Variants in OPCML observed in about 807,000 individuals in gnomAD.
The protein encoded by OPCML is opioid binding protein/cell adhesion molecule like, also known as opioid-binding protein/cell adhesion molecule.
In OPCML, 13 loss-of-function variants were observed where a neutral mutation model predicts 37.8. The observed-to-expected ratio is 0.34, with a 90% CI of 0.22 to 0.55. OPCML has a LOEUF of 0.55. Ranked by LOEUF, OPCML falls within the 20% of genes least tolerant of loss-of-function variation. The pLI is 0.91. For missense variants in OPCML, 341 were observed against 435.6 expected, an observed-to-expected ratio of 0.78 and a Z score of 1.93; for synonymous variants, 176 against 168.8, an observed-to-expected ratio of 1.04 and a Z score of -0.33.
chr11:132,970,820 A>C (rs1440475526), intron 1 of OPCML, among the ~76,000 whole-genome samples: 1 of 152,138 alleles, frequency 6.6e-6, no homozygotes, highest in Admixed American at 6.6e-5. Flanking sequence ...CTCCTGTAGT[A>C]CTCATAGCTG....
At position 132,703,105 on chromosome 11, in the gene OPCML, T is replaced by G. The variant is rs142462965; in HGVS notation, c.147-45786A>C. 8.2e-3 allele frequency among the ~76,000 whole-genome samples: 1,251 copies of G among 152,242 alleles called. 16 individuals are homozygous for G. The highest frequency in any genetic ancestry group is 0.029 in the African/African-American group (1,186 of 41,530). On this transcript the variant is annotated intron_variant, in intron 2 of 7. Transcript: ENST00000524381. ...CCTGCATTGCTTGACAACAAAGATA[T>G]GTCCTGAGAAGTGTGTTGTTAGGTG...
At chr11:132,819,132 T>G (rs1448280840) in intron 2 of OPCML, among the ~76,000 whole-genome samples, 1 of 151,980 alleles carries the variant, frequency 6.6e-6, no homozygotes, top group African/African-American at 2.4e-5. Flanking sequence ...GCCAGAAATT[T>G]TGTGCATACC....
At chr11:133,131,302 C>G (rs1949600808) in intron 1 of OPCML, among the ~76,000 whole-genome samples, 1 of 152,190 alleles carries the variant, frequency 6.6e-6, no homozygotes, top group Non-Finnish European at 1.5e-5. Flanking sequence ...ATGTAAGTCA[C>G]AGACCTTACG....
At chr11:132,582,258 T>C (rs1317977168) in intron 3 of OPCML, among the ~76,000 whole-genome samples, 9 of 151,848 alleles carry the variant, frequency 5.9e-5, no homozygotes, top group Admixed American at 5.9e-4. Flanking sequence ...AAACAGTTTA[T>C]TCAATAAAAT....
At chr11:132,614,631 AAC>A (rs1283304912) in intron 3 of OPCML, among the ~76,000 whole-genome samples, 4 of 152,238 alleles carry the variant, frequency 2.6e-5, no homozygotes, top group Admixed American at 6.5e-5. Context: ...GGGAATGCCT[AAC>A]ACATGTTAAT....
At chr11:132,911,532 T>C (rs1223770583) in intron 2 of OPCML, among the ~76,000 whole-genome samples, 2 of 152,172 alleles carry the variant, frequency 1.3e-5, no homozygotes, top group Non-Finnish European at 2.9e-5. Flanking sequence ...TGGACTGACA[T>C]GTTATGCGAA....
chr11:133,080,061 A>G (rs1948686014), intron 1 of OPCML, among the ~76,000 whole-genome samples: 1 of 152,210 alleles, frequency 6.6e-6, no homozygotes, highest in South Asian at 2.1e-4. Context: ...TGACCAGAGA[A>G]GAAAACTCCT....
At chr11:133,197,238 G>A (rs1267931339) in intron 1 of OPCML, among the ~76,000 whole-genome samples, 2 of 152,122 alleles carry the variant, frequency 1.3e-5, no homozygotes, top group African/African-American at 4.8e-5. Flanking sequence ...ATGGATCCTT[G>A]GAATCTCATT....
intron 1 of OPCML, among the ~76,000 whole-genome samples, chr11:133,286,748 T>C (rs897812723): frequency 2.0e-5 from 3 of 152,094 alleles, no homozygotes; most frequent in African/African-American, 7.2e-5. Context: ...AAAACGAACC[T>C]AAGCACTCTA....
intron 1 of OPCML, among the ~76,000 whole-genome samples, chr11:132,959,668 T>C (rs1036722640): frequency 3.3e-5 from 5 of 150,898 alleles, no homozygotes; most frequent in South Asian, 2.1e-4. Flanking sequence ...TTTACCTACA[T>C]TGACTTCGGG....
chr11:132,743,383 C>G (rs192954966), intron 2 of OPCML, among the ~76,000 whole-genome samples: 6 of 152,038 alleles, frequency 3.9e-5, no homozygotes, highest in African/African-American at 1.4e-4. Flanking sequence ...ATTTCCCATC[C>G]CATCCCCAAT....
At chr11:132,608,170 T>G (rs1938422573) in intron 3 of OPCML, among the ~76,000 whole-genome samples, 1 of 152,090 alleles carries the variant, frequency 6.6e-6, no homozygotes, top group Admixed American at 6.6e-5. Flanking sequence ...ATTGGAAGGG[T>G]TCAATAAACC....
chr11:133,172,860 T>A (rs189837288), intron 1 of OPCML, among the ~76,000 whole-genome samples: 41 of 152,306 alleles, frequency 2.7e-4, no homozygotes, highest in African/African-American at 9.4e-4. Context: ...TATCATGATA[T>A]ATATATTAAA....
intron 1 of OPCML, among the ~76,000 whole-genome samples, chr11:133,508,160 C>G (rs1320768397): frequency 6.6e-6 from 1 of 152,046 alleles, no homozygotes; most frequent in Non-Finnish European, 1.5e-5. Flanking sequence ...TGATATGCAG[C>G]CCAGGTTGAG....
chr11:132,904,355 A>T (rs1054868799), intron 2 of OPCML, among the ~76,000 whole-genome samples: 1 of 152,168 alleles, frequency 6.6e-6, no homozygotes, highest in South Asian at 2.1e-4. Context: ...AAATCATAAT[A>T]AAAAAATCTA....
In OPCML at chr11:133,108,214, A is replaced by C. The variant is rs139813059; in HGVS notation, c.62-165204T>G. Among the ~76,000 whole-genome samples the C allele has an allele frequency of 1.0e-3, 156 of 152,322 alleles. 3 individuals are homozygous for C. In the East Asian group the frequency reaches 0.024, roughly 23 times the overall value. On this transcript the variant is annotated intron_variant, in intron 1 of 7. Coordinates refer to ENST00000524381, the MANE Select transcript of OPCML (RefSeq NM_001012393.5). ...CGTTTGCTGATCAGTGTCAAGGTACACTTTCAGATGGGGCCAGAGGAGAAT... is the reference window on the plus strand; with the variant it reads ...CGTTTGCTGATCAGTGTCAAGGTACCCTTTCAGATGGGGCCAGAGGAGAAT...
intron 4 of OPCML, among the ~76,000 whole-genome samples, chr11:132,523,499 G>T (rs2096299672): frequency 6.6e-6 from 1 of 152,124 alleles, no homozygotes; most frequent in African/African-American, 2.4e-5. Context: ...ATGGATTCTT[G>T]CTCAAGACAA....
At chr11:132,824,461 CTG>C (rs1221258672) in intron 2 of OPCML, among the ~76,000 whole-genome samples, 1 of 152,210 alleles carries the variant, frequency 6.6e-6, no homozygotes, top group African/African-American at 2.4e-5. Context: ...GTTAGTCACA[CTG>C]TGTTCATCCT....
chr11:133,296,174 C>T (rs538888017), intron 1 of OPCML, among the ~76,000 whole-genome samples: 1 of 152,296 alleles, frequency 6.6e-6, no homozygotes, highest in African/African-American at 2.4e-5. Context: ...TGTCCTCTGC[C>T]TGAATCCGAG....
Sources: gnomAD v4.1 joint callset for allele counts (sites outside exome capture counted in the v4.1 genomes callset) on GRCh38, gnomAD v4.1.1 for gene constraint, MANE v1.5 for transcripts, NCBI Gene and HGNC (gene_info 2026-07-23, HGNC 2026-07-21) for gene names.